THEMIS: variants seen among roughly 807,000 people sequenced by gnomAD.
THEMIS encodes thymocyte selection associated, also known as protein THEMIS.
A neutral mutation model predicts 52.6 loss-of-function variants in THEMIS; 37 were observed. The observed-to-expected ratio is 0.70, with a 90% CI of 0.54 to 0.93. The LOEUF (loss-of-function observed/expected upper bound fraction) is 0.93. Ranked by LOEUF, THEMIS falls within the 40% of genes least tolerant of loss-of-function variation. The probability of loss-of-function intolerance (pLI) is 0.00; values close to 1 mark genes in which losing one functional copy is unlikely to be tolerated. For synonymous variants in THEMIS, 292 were observed against 272.7 expected (o/e 1.07, Z -0.70); for missense variants, 808 against 763.1 (o/e 1.06, Z -0.69).
chr6:127,731,899 G>T (rs1774820050), intron 4 of THEMIS, among the ~76,000 whole-genome samples: 1 of 54,502 alleles, frequency 1.8e-5, no homozygotes, highest in African/African-American at 8.3e-5. Context: ...GTAGAGATGG[G>T]GTTTCACCCT....
chr6:127,761,667 C>T (rs1776026313), intron 4 of THEMIS, among the ~76,000 whole-genome samples: 2 of 152,120 alleles, frequency 1.3e-5, no homozygotes, highest in African/African-American at 4.8e-5. Flanking sequence ...GCACATACTA[C>T]TCTCAGGGAG....
At chr6:127,903,617 C>T (rs1026682021), upstream of THEMIS, among the ~76,000 whole-genome samples, 2 of 150,834 alleles carry the variant, frequency 1.3e-5, no homozygotes, top group Non-Finnish European at 3.0e-5. Context: ...AGGAAAATGT[C>T]TGGAAAAGGG....
At chr6:127,776,056 T>G (rs1366209037) in intron 4 of THEMIS, among the ~76,000 whole-genome samples, 1 of 152,262 alleles carries the variant, frequency 6.6e-6, no homozygotes, top group Admixed American at 6.5e-5. Context: ...TAAAAGTATA[T>G]TGAACAAATG....
intron 1 of THEMIS, among the ~76,000 whole-genome samples, chr6:127,863,589 ACAATTGGAGTGTATT>A (rs1222950744): frequency 3.3e-5 from 5 of 152,204 alleles, no homozygotes; most frequent in Non-Finnish European, 7.3e-5. Context: ...AAGCTGTCAA[ACAATTGGAGTGTATT>A]CAGGGCCACT....
chr6:127,702,800 G>A, the THEMIS span, among the ~76,000 whole-genome samples: 3 of 152,054 alleles, frequency 2.0e-5, no homozygotes, highest in African/African-American at 7.2e-5. Context: ...CATAGTGGCA[G>A]ACAAGAGAAG....
chr6:127,895,503 C>G (rs1002243973), intron 1 of THEMIS, among the ~76,000 whole-genome samples: 2 of 151,386 alleles, frequency 1.3e-5, no homozygotes, highest in Non-Finnish European at 3.0e-5. Context: ...AATGGGAAAA[C>G]AGACAAAATA....
At chr6:127,803,413 T>G (rs2114570317) in intron 4 of THEMIS, among the ~76,000 whole-genome samples, 1 of 152,256 alleles carries the variant, frequency 6.6e-6, no homozygotes, top group Non-Finnish European at 1.5e-5. Context: ...TTTTCTAAAT[T>G]TTTCTTTGCT....
intron 4 of THEMIS, among the ~76,000 whole-genome samples, chr6:127,732,111 A>G (rs574983900): frequency 1.1e-4 from 17 of 151,634 alleles, no homozygotes; most frequent in African/African-American, 3.6e-4. Flanking sequence ...CTGAAAAACT[A>G]TAGACAAGTA....
chr6:127,831,873 CA>C (rs1290450410), intron 2 of THEMIS, among the ~76,000 whole-genome samples: 1 of 151,946 alleles, frequency 6.6e-6, no homozygotes, highest in African/African-American at 2.4e-5. Flanking sequence ...AGGGAGAGTT[CA>C]ATAAAATAGT....
chr6:127,826,173 A>G (rs1430873942), intron 3 of THEMIS, among the ~76,000 whole-genome samples: 6 of 152,200 alleles, frequency 3.9e-5, no homozygotes, highest in Non-Finnish European at 8.8e-5. Flanking sequence ...AAATATTTAA[A>G]GGCATTACCT....
chr6:127,887,588 G>A (rs912015189), intron 1 of THEMIS, among the ~76,000 whole-genome samples: 1 of 152,066 alleles, frequency 6.6e-6, no homozygotes, highest in Non-Finnish European at 1.5e-5. Flanking sequence ...TACTAAGTGA[G>A]AGAAGCCAGA....
intron 4 of THEMIS, among the ~76,000 whole-genome samples, chr6:127,730,273 G>GAAATAAAGAA (rs1282024587): frequency 2.1e-5 from 1 of 47,246 alleles, no homozygotes; most frequent in East Asian, 2.8e-4. Context: ...GTATCTATAG[G>GAAATAAAGAA]AAATAAAGAA....
intron 4 of THEMIS, among the ~76,000 whole-genome samples, chr6:127,780,915 T>C (rs547075480): frequency 6.6e-6 from 1 of 152,272 alleles, no homozygotes; most frequent in East Asian, 1.9e-4. Flanking sequence ...GTTCTCTGTA[T>C]TTCCTGAATC....
intron 1 of THEMIS, among the ~76,000 whole-genome samples, chr6:127,916,057 T>C (rs17053248): frequency 0.018 from 2,677 of 152,198 alleles, 87 homozygotes; most frequent in African/African-American, 0.06. Context: ...GTCAGAACTT[T>C]CTATTTTTTG....
the THEMIS span, among the ~76,000 whole-genome samples, chr6:127,702,254 T>C: frequency 1.3e-5 from 2 of 152,230 alleles, no homozygotes; most frequent in African/African-American, 2.4e-5. Flanking sequence ...GTTTGTCCAA[T>C]TGATGTCCAA....
chr6:127,788,881 T>A (rs1777064634), intron 4 of THEMIS, among the ~76,000 whole-genome samples: 1 of 152,072 alleles, frequency 6.6e-6, no homozygotes, highest in Admixed American at 6.6e-5. Flanking sequence ...GCTAAAGTAG[T>A]GTTTAGAGTG....
intron 4 of THEMIS, among the ~76,000 whole-genome samples, chr6:127,751,092 C>T (rs533217250): frequency 9.9e-5 from 15 of 151,590 alleles, no homozygotes; most frequent in East Asian, 3.9e-4. Context: ...TGGAGGTACA[C>T]GAATAACTTT....
At chr6:127,734,128 A>G (rs956337299) in intron 4 of THEMIS, among the ~76,000 whole-genome samples, 7 of 152,220 alleles carry the variant, frequency 4.6e-5, no homozygotes, top group African/African-American at 1.7e-4. Context: ...GAGGAAACCT[A>G]TAGATTAAAG....
chr6:127,854,946 T>C (rs981846946), intron 2 of THEMIS, 84 bp downstream of exon 2: 3 of 1,228,118 alleles, frequency 2.4e-6, no homozygotes, highest in African/African-American at 3.4e-5. Flanking sequence ...AACAGACCAT[T>C]TTTTTCTTGT....
Sources: gnomAD v4.1 joint callset for allele counts (sites outside exome capture counted in the v4.1 genomes callset) on GRCh38, gnomAD v4.1.1 for gene constraint, MANE v1.5 for transcripts, NCBI Gene and HGNC (gene_info 2026-07-23, HGNC 2026-07-21) for gene names.